The following COL19A1 variants were observed in gnomAD, a reference collection of about 807,000 sequenced individuals.
The protein encoded by COL19A1 is collagen alpha-1(XIX) chain.
A neutral mutation model predicts 190.2 loss-of-function variants in COL19A1; 159 were observed. That is an observed-to-expected ratio of 0.84 (90% CI 0.73 to 0.95). COL19A1 has a LOEUF of 0.95. COL19A1 is among the 40% of genes least tolerant of loss of function. The pLI, the probability that COL19A1 is intolerant of heterozygous loss-of-function variation, is 0.00. For missense variants in COL19A1, 1,418 were observed against 1,431.9 expected (o/e 0.99, Z 0.16); for synonymous variants, 509 against 458.9 (o/e 1.11, Z -1.39).
chr6:70,152,234 A>T (rs1393031124), intron 31 of COL19A1, among the ~76,000 whole-genome samples: 1 of 151,890 alleles, frequency 6.6e-6, no homozygotes, highest in Non-Finnish European at 1.5e-5. Flanking sequence ...GTATGTGTAC[A>T]CACACACACG....
At chr6:69,889,688 A>C (rs1208627333) in intron 2 of COL19A1, among the ~76,000 whole-genome samples, 2 of 152,188 alleles carry the variant, frequency 1.3e-5, no homozygotes, top group African/African-American at 2.4e-5. Context: ...AAATACACCA[A>C]TCAGCTATCT....
chr6:70,139,828 G>A (rs1199433686), intron 19 of COL19A1, among the ~76,000 whole-genome samples: 2 of 151,966 alleles, frequency 1.3e-5, no homozygotes, highest in African/African-American at 4.8e-5. Context: ...AAAGAAAGGG[G>A]AGCTCTAAAA....
chr6:70,163,411 C>T lies in COL19A1; in HGVS notation c.2400+15C>T, dbSNP rs1396112298. On this transcript the variant is annotated intron_variant, in intron 36 of 50. Coordinates refer to ENST00000620364, the MANE Select transcript of COL19A1 (RefSeq NM_001858.6). The stretch of plus-strand genomic sequence containing the variant: ...AAGGTGAAAAGGTACAAAGGAAAAG[C>T]CTCACTTACCATCCAAACTGGGGCT... 6.2e-7 allele frequency: 1 copy of T among 1,608,222 alleles called. No individual in the cohort carries two copies. Among genetic ancestry groups the T allele is most frequent in the Admixed American group, 1.7e-5 (1 of 59,846 alleles).
intron 16 of COL19A1, among the ~76,000 whole-genome samples, chr6:70,117,959 C>T (rs1784674493): frequency 1.3e-5 from 2 of 152,224 alleles, no homozygotes; most frequent in Non-Finnish European, 1.5e-5. Context: ...CAGTTGGCCT[C>T]TCTTCACCAC....
At chr6:70,156,492 A>G in intron 33 of COL19A1, 123 bp downstream of exon 33, 1 of 987,472 alleles carries the variant, frequency 1.0e-6, no homozygotes, top group African/African-American at 1.6e-5. Flanking sequence ...ATGTATGTAT[A>G]TGGAGAGAGA....
intron 11 of COL19A1, among the ~76,000 whole-genome samples, chr6:69,978,428 A>G (rs1437733146): frequency 6.6e-6 from 1 of 152,072 alleles, no homozygotes; most frequent in African/African-American, 2.4e-5. Context: ...GACATTTTGT[A>G]AGACTCATTC....
intron 49 of COL19A1, 84 bp from the exon 50 acceptor site, chr6:70,206,817 C>A: frequency 1.7e-6 from 2 of 1,147,912 alleles, no homozygotes; most frequent in Non-Finnish European, 2.5e-6. Context: ...ATAATTATCA[C>A]AGACTCAGAA....
At chr6:69,937,897 C>A in intron 8 of COL19A1, 141 bp from the exon 9 acceptor site, 1 of 667,696 alleles carries the variant, frequency 1.5e-6, no homozygotes, top group Non-Finnish European at 2.5e-6. Context: ...GTTCACGTGG[C>A]TCACTATTCC....
chr6:70,135,350 G>A (rs769561048), intron 18 of COL19A1, among the ~76,000 whole-genome samples: 2 of 152,130 alleles, frequency 1.3e-5, no homozygotes, highest in Non-Finnish European at 2.9e-5. Context: ...CCCCTCCCCA[G>A]AGGTTGGAGG....
At position 70,005,645 on chromosome 6, in the gene COL19A1, G is replaced by A. The variant is rs565302546; in HGVS notation, c.1027-17982G>A. Among the ~76,000 whole-genome samples the A allele has an allele frequency of 2.6e-3, 399 of 152,218 alleles. 5 individuals are homozygous for A. The highest frequency in any genetic ancestry group is 8.8e-3 in the African/African-American group (364 of 41,552). On this transcript the variant is annotated intron_variant, in intron 11 of 50. Coordinates refer to ENST00000620364, the MANE Select transcript of COL19A1 (RefSeq NM_001858.6). ...GGGTCTCACCCAGTTGGGTGGCATC[G>A]GGAACAGGACCTATTTAATGAAGCA...
intron 5 of COL19A1, 61 bp downstream of exon 5, chr6:69,928,093 A>G: frequency 6.3e-7 from 1 of 1,582,888 alleles, no homozygotes. Flanking sequence ...CAGGTGAATT[A>G]TTTGAACTGG....
chr6:70,163,138 C>T (rs963280496), intron 35 of COL19A1, among the ~76,000 whole-genome samples: 34 of 152,094 alleles, frequency 2.2e-4, no homozygotes, highest in African/African-American at 7.0e-4. Context: ...GGTGAAAAAG[C>T]GACCACAAAT....
intron 2 of COL19A1, among the ~76,000 whole-genome samples, chr6:69,896,702 C>G (rs1315624496): frequency 6.6e-6 from 1 of 152,148 alleles, no homozygotes; most frequent in Non-Finnish European, 1.5e-5. Flanking sequence ...TTAGTGATAT[C>G]TCACTGTGGT....
At chr6:70,071,238 A>G (rs1276214327) in intron 15 of COL19A1, among the ~76,000 whole-genome samples, 2 of 145,098 alleles carry the variant, frequency 1.4e-5, no homozygotes, top group Non-Finnish European at 3.0e-5. Context: ...TATGAAAGAC[A>G]TAGGATTCTG....
intron 4 of COL19A1, among the ~76,000 whole-genome samples, chr6:69,915,259 C>A (rs753430741): frequency 2.0e-5 from 3 of 152,288 alleles, no homozygotes; most frequent in Non-Finnish European, 4.4e-5. Flanking sequence ...CCCACCAGGG[C>A]CTAGTCATGG....
At chr6:70,109,476 G>A (rs1324739535) in intron 16 of COL19A1, among the ~76,000 whole-genome samples, 1 of 151,794 alleles carries the variant, frequency 6.6e-6, no homozygotes, top group Admixed American at 6.6e-5. Flanking sequence ...TGGAAAAGAA[G>A]GGTTGGGGGG....
At chr6:70,168,431 T>C (rs1765298180) in intron 39 of COL19A1, among the ~76,000 whole-genome samples, 1 of 152,226 alleles carries the variant, frequency 6.6e-6, no homozygotes, top group African/African-American at 2.4e-5. Flanking sequence ...GGTGTCACTT[T>C]TTTCATTGCA....
intron 12 of COL19A1, among the ~76,000 whole-genome samples, chr6:70,030,546 T>A (rs10455701): frequency 0.023 from 3,571 of 152,222 alleles, 52 homozygotes; most frequent in Middle Eastern, 0.054. Flanking sequence ...CACTTACACA[T>A]TTATAAGGAG....
At chr6:69,966,178 C>A (rs1775084258) in intron 11 of COL19A1, among the ~76,000 whole-genome samples, 2 of 152,184 alleles carry the variant, frequency 1.3e-5, no homozygotes, top group South Asian at 4.1e-4. Flanking sequence ...CGGCCAGCTG[C>A]CCCGTGCGGG....
Sources: gnomAD v4.1 joint callset for allele counts (sites outside exome capture counted in the v4.1 genomes callset) on GRCh38, gnomAD v4.1.1 for gene constraint, MANE v1.5 for transcripts, NCBI Gene and HGNC (gene_info 2026-07-23, HGNC 2026-07-21) for gene names.